Variants in CLEC4E observed in about 807,000 individuals in gnomAD.
CLEC4E encodes the protein C-type lectin domain family 4 member E.
CLEC4E carries 21 observed loss-of-function variants against 24.7 expected under a neutral mutation model. That is an observed-to-expected ratio of 0.85 (90% confidence interval 0.60 to 1.22). CLEC4E has a LOEUF of 1.22. Ranked by LOEUF, CLEC4E falls within the 50% of genes most tolerant of loss-of-function variation. CLEC4E has a pLI of 0.00. For missense variants in CLEC4E, 249 were observed against 254.1 expected, an observed-to-expected ratio of 0.98 and a Z score of 0.14; for synonymous variants, 94 against 85.7, an observed-to-expected ratio of 1.10 and a Z score of -0.54.
At chr12:8,539,414 T>C in intron 2 of CLEC4E, 108 bp from the exon 3 acceptor site, 1 of 734,812 alleles carries the variant, frequency 1.4e-6, no homozygotes, top group Non-Finnish European at 2.3e-6. Flanking sequence ...ATGTTTTTTC[T>C]TACAATCTGC....
chr12:8,535,546 A>G (rs1414934257), intron 5 of CLEC4E, among the ~76,000 whole-genome samples: 2 of 151,506 alleles, frequency 1.3e-5, no homozygotes, highest in Admixed American at 6.6e-5. Flanking sequence ...CATCCTGCAC[A>G]TGTACCCTGG....
intron 1 of CLEC4E, 85 bp downstream of exon 1, chr12:8,540,676 T>G: frequency 8.1e-7 from 1 of 1,234,956 alleles, no homozygotes; most frequent in Non-Finnish European, 1.2e-6. Context: ...CAGTGAATAC[T>G]TTTCTATTGT....
Position 8,539,899 on chromosome 12 carries a change from A to T in CLEC4E, c.86T>A (p.Ile29Asn). The T allele has an allele frequency of 6.2e-7, 1 of 1,612,962 alleles. No individual in the cohort carries two copies. Reference sequence around the variant, plus strand: ...ACAGGCACTGAGAAATAGGATGGGGATCCCAGCAACAGTCCATAAGAACAT... The same window carrying T: ...ACAGGCACTGAGAAATAGGATGGGGTTCCCAGCAACAGTCCATAAGAACAT... ...SQMFLWTVAG[I>N]PILFLSACFI... Residue 29 changes from isoleucine to asparagine, a missense_variant, in exon 2 of 6, where the codon ATC becomes AAC. Ile to Asn is a moderately radical substitution (Grantham distance 149). Coordinates refer to ENST00000299663, the MANE Select transcript of CLEC4E (RefSeq NM_014358.4).
At chr12:8,534,842 C>A in intron 5 of CLEC4E, 33 bp from the exon 6 acceptor site, 1 of 1,573,984 alleles carries the variant, frequency 6.4e-7, no homozygotes, top group South Asian at 1.2e-5. Context: ...ACTTAAAATC[C>A]CAGCAAAAAG....
chr12:8,540,090 G>T (rs1940677479), intron 1 of CLEC4E, 143 bp from the exon 2 acceptor site: 1 of 638,012 alleles, frequency 1.6e-6, no homozygotes, highest in Admixed American at 2.5e-5. Context: ...GCATGCTTCA[G>T]AATCACTTGG....
chr12:8,533,484 T>C lies in CLEC4E; in HGVS notation c.*1154A>G, dbSNP rs868561776. Reference sequence around the variant, plus strand: ...TCAACAATAGATTGGATAGAGAAAATGTGATACATAGATACCATGGAATAC... The same window carrying C: ...TCAACAATAGATTGGATAGAGAAAACGTGATACATAGATACCATGGAATAC... On this transcript the variant is annotated 3_prime_UTR_variant, in exon 6 of 6. Coordinates refer to ENST00000299663, the MANE Select transcript of CLEC4E (RefSeq NM_014358.4). 6.6e-6 allele frequency: 1 copy of C among 152,192 alleles called. No homozygotes were observed. Among genetic ancestry groups the C allele is most frequent in the African/African-American group, 2.4e-5 (1 of 41,522 alleles). 9.4% of individuals were successfully genotyped at this position (152,192 alleles called of 1,614,324 possible). A position where few individuals can be genotyped will look rare whatever the true frequency, so the allele number is the denominator to read the frequency against.
rs748603213 is a variant in CLEC4E, at chr12:8,540,768, TTG to T, written c.28_29del (p.Gln10MetfsTer43). The T allele has an allele frequency of 2.5e-6, 4 of 1,609,774 alleles. No homozygotes were observed. In the Admixed American group the frequency reaches 5.0e-5, roughly 20 times the overall value. MNSSKSSETQCTERGCFSSQ... is the reference protein window; with the variant it reads MNSSKSSETXCTERGCFSSQ... ...AAGAGTTGCAGATTTTACCTGTGCA[TTG>T]TGTTTCAGATGATTTAGATGAATTC... On this transcript the variant is annotated frameshift_variant, in exon 1 of 6. Coordinates refer to ENST00000299663, the MANE Select transcript of CLEC4E (RefSeq NM_014358.4). LOFTEE classifies it high-confidence loss of function.
Position 8,534,712 on chromosome 12 carries a change from T to TTACA in CLEC4E, c.582_585dup (p.Thr196CysfsTer12). On this transcript the variant is annotated frameshift_variant, in exon 6 of 6. Transcript: ENST00000299663. LOFTEE classifies it low-confidence loss of function (END_TRUNC). ...ATCCGAAAATAATTGAGGAAACAGGTTACATCATTCCAATTTTGCCTTGGG... is the reference window on the plus strand; with the variant it reads ...ATCCGAAAATAATTGAGGAAACAGGTTACATACATCATTCCAATTTTGCCTTGGG... The TTACA allele has an allele frequency of 6.2e-7, 1 of 1,613,916 alleles. No homozygotes were observed. Among genetic ancestry groups the TTACA allele is most frequent in the Admixed American group, 1.7e-5 (1 of 59,994 alleles).
intron 1 of CLEC4E, among the ~76,000 whole-genome samples, chr12:8,540,164 T>C (rs773291230): frequency 6.6e-6 from 1 of 152,308 alleles, no homozygotes; most frequent in Non-Finnish European, 1.5e-5. Flanking sequence ...GTAGAGTTTG[T>C]ATGGAACCAA....
intron 2 of CLEC4E, 43 bp downstream of exon 2, chr12:8,539,812 T>G: frequency 2.4e-6 from 3 of 1,242,752 alleles, no homozygotes; most frequent in Non-Finnish European, 3.6e-6. Flanking sequence ...TCTCCTAATA[T>G]GCACCAGGAA....
chr12:8,539,225 T>C lies in CLEC4E; in HGVS notation c.212A>G (p.Tyr71Cys). 6.2e-7 allele frequency: 1 copy of C among 1,606,714 alleles called. No homozygotes were observed. The highest frequency in any genetic ancestry group is 8.5e-7 in the Non-Finnish European group (1 of 1,173,502). Residue 71 changes from tyrosine to cysteine, a missense_variant, in exon 3 of 6, where the codon TAT (tyrosine) becomes TGT (cysteine). Physicochemically the swap from Tyr to Cys is radical, Grantham distance 194 (BLOSUM62 -2). Coordinates refer to ENST00000299663, the MANE Select transcript of CLEC4E (RefSeq NM_014358.4). The part of the protein sequence containing the change: ...ENFTELSCYN[Y>C]GSGSVKNCCP... ...CTTTGGGACTATTATACCTGATCCA[T>C]AATTGTAGCAGGAGAGCTCTGTGAA... is the stretch of plus-strand genomic sequence containing the variant.
Position 8,534,701 on chromosome 12 carries a change from G to A in CLEC4E, c.597C>T (p.Leu199=), listed in dbSNP as rs369879941. The change falls in exon 6 of 6, where the codon CTC becomes CTT. Residue 199 remains leucine, a synonymous_variant. Coordinates refer to ENST00000299663, the MANE Select transcript of CLEC4E (RefSeq NM_014358.4). Reference sequence around the variant, plus strand: ...CCATTTCACAAATCCGAAAATAATTGAGGAAACAGGTTACATCATTCCAAT... The same window carrying A: ...CCATTTCACAAATCCGAAAATAATTAAGGAAACAGGTTACATCATTCCAAT... ...RQNWNDVTCF[L]NYFRICEMVG... The A allele has an allele frequency of 4.3e-5, 70 of 1,613,860 alleles. No individual in the cohort carries two copies. In the African/African-American group the frequency reaches 4.5e-4, roughly 10 times the overall value.
chr12:8,535,710 C>T (rs781206579), intron 5 of CLEC4E, among the ~76,000 whole-genome samples: 8 of 152,218 alleles, frequency 5.3e-5, no homozygotes, highest in South Asian at 4.2e-4. Context: ...GTTCTAATGA[C>T]GTGAGGCTAT....
chr12:8,540,601 A>T (rs770258804), intron 1 of CLEC4E, among the ~76,000 whole-genome samples, 160 bp downstream of exon 1: 6 of 152,248 alleles, frequency 3.9e-5, no homozygotes, highest in South Asian at 2.1e-4. Flanking sequence ...GCTTTCTGGT[A>T]TAAGAAATAG....
At chr12:8,536,301 A>G (rs1940613452) in intron 4 of CLEC4E, 96 bp from the exon 5 acceptor site, 1 of 680,312 alleles carries the variant, frequency 1.5e-6, no homozygotes, top group Non-Finnish European at 2.5e-6. Context: ...TCTGGATGAG[A>G]TCCTAGCACT....
rs1366229415 is a variant in CLEC4E, at chr12:8,534,422, C to T, written c.*216G>A. 2.7e-6 allele frequency: 1 copy of T among 366,896 alleles called. No individual in the cohort carries two copies. The highest frequency in any genetic ancestry group is 4.9e-6 in the Non-Finnish European group (1 of 203,698). 22.7% of individuals were successfully genotyped at this position (366,896 alleles called of 1,614,324 possible). ...AAGGTAGTGAATTGCTTTGTAAATT[C>T]TGGGAAGAGGACCTGAGACTAACGT... On this transcript the variant is annotated 3_prime_UTR_variant, in exon 6 of 6. Coordinates refer to ENST00000299663, the MANE Select transcript of CLEC4E (RefSeq NM_014358.4).
At chr12:8,538,035 C>G (rs760589436) in intron 3 of CLEC4E, among the ~76,000 whole-genome samples, 3 of 152,162 alleles carry the variant, frequency 2.0e-5, no homozygotes, top group Non-Finnish European at 4.4e-5. Context: ...GGAAGACGCC[C>G]GTGGCCAGGC....
chr12:8,537,053 G>A, intron 4 of CLEC4E, 62 bp downstream of exon 4: 2 of 1,509,166 alleles, frequency 1.3e-6, no homozygotes, highest in Non-Finnish European at 1.8e-6. Flanking sequence ...CTGTGCATAT[G>A]TATGAAAAGA....
Position 8,536,081 on chromosome 12 carries a change from G to A in CLEC4E, c.488+9C>T. ...TTTCAAGAACTCCTCTCAATAGGAG[G>A]GTAATTACCTCAGAGACTTTGTCAA... On this transcript the variant is annotated intron_variant, in intron 5 of 5. Transcript: ENST00000299663. The A allele has an allele frequency of 6.4e-7, 1 of 1,559,990 alleles. No individual in the cohort carries two copies. Among genetic ancestry groups the A allele is most frequent in the Non-Finnish European group, 8.8e-7 (1 of 1,131,746 alleles).
Sources: gnomAD v4.1 joint callset for allele counts (sites outside exome capture counted in the v4.1 genomes callset) on GRCh38, gnomAD v4.1.1 for gene constraint, MANE v1.5 for transcripts, NCBI Gene and HGNC (gene_info 2026-07-23, HGNC 2026-07-21) for gene names.